CTNND2: variants seen among roughly 807,000 people sequenced by gnomAD.
CTNND2 encodes catenin delta 2.
In CTNND2, 22 loss-of-function variants were observed where a neutral mutation model predicts 144.4. The ratio of observed to expected loss-of-function variants is 0.15; its 90% CI spans 0.11 to 0.22. The LOEUF (loss-of-function observed/expected upper bound fraction) is 0.22, where lower values mean the gene tolerates loss of function less well. Among genes scored for constraint, CTNND2 ranks in the 10% least tolerant of loss-of-function variants. CTNND2 has a pLI of 1.00. For missense variants in CTNND2, 1,353 were observed against 1,618.8 expected, an observed-to-expected ratio of 0.84 and a Z score of 2.82; for synonymous variants, 751 against 695.6, an observed-to-expected ratio of 1.08 and a Z score of -1.25.
chr5:11,433,055 T>C (rs1279985585), intron 3 of CTNND2, among the ~76,000 whole-genome samples: 1 of 152,178 alleles, frequency 6.6e-6, no homozygotes, highest in Non-Finnish European at 1.5e-5. Context: ...CCATCCTGGC[T>C]AACATGGTGA....
chr5:11,143,708 T>C (rs976976552), intron 12 of CTNND2, among the ~76,000 whole-genome samples: 4 of 152,230 alleles, frequency 2.6e-5, no homozygotes, highest in African/African-American at 9.6e-5. Flanking sequence ...GAGGGAGGTA[T>C]AATTTTACTC....
intron 1 of CTNND2, among the ~76,000 whole-genome samples, chr5:11,817,989 T>TTG (rs1290118758): frequency 1.8e-5 from 1 of 56,244 alleles, no homozygotes. Context: ...GTGTTTTTTT[T>TTG]TTTTTTTTTT....
intron 2 of CTNND2, among the ~76,000 whole-genome samples, chr5:11,621,393 T>C (rs899020821): frequency 6.6e-6 from 1 of 152,166 alleles, no homozygotes; most frequent in Non-Finnish European, 1.5e-5. Context: ...GTAGCATCTT[T>C]GCTGATTTCA....
At chr5:11,578,793 T>C (rs1451213655) in intron 2 of CTNND2, among the ~76,000 whole-genome samples, 2 of 152,330 alleles carry the variant, frequency 1.3e-5, no homozygotes, top group African/African-American at 4.8e-5. Flanking sequence ...GTTAGTGGGA[T>C]AGCAGAGGCA....
intron 13 of CTNND2, among the ~76,000 whole-genome samples, chr5:11,115,345 G>A (rs61753331): frequency 0.08 from 12,210 of 152,218 alleles, 966 homozygotes; most frequent in East Asian, 0.45. Flanking sequence ...GCATGAGGCT[G>A]TTGACTCTTA....
intron 13 of CTNND2, 53 bp downstream of exon 13, chr5:11,117,397 C>T: frequency 7.3e-7 from 1 of 1,376,424 alleles, no homozygotes; most frequent in Non-Finnish European, 1.0e-6. Flanking sequence ...ATTGTTGAGT[C>T]CCGTGGGAGT....
intron 2 of CTNND2, among the ~76,000 whole-genome samples, chr5:11,604,262 C>T (rs1779943203): frequency 6.6e-6 from 1 of 152,186 alleles, no homozygotes; most frequent in African/African-American, 2.4e-5. Context: ...ACCTGTGACC[C>T]ATGTCTTCAC....
intron 1 of CTNND2, among the ~76,000 whole-genome samples, chr5:11,797,254 G>A (rs1168618714): frequency 6.6e-6 from 1 of 152,182 alleles, no homozygotes; most frequent in Non-Finnish European, 1.5e-5. Flanking sequence ...GAGTAACTCT[G>A]ATATGCACAC....
chr5:11,794,492 C>T (rs187232178), intron 1 of CTNND2, among the ~76,000 whole-genome samples: 6 of 152,304 alleles, frequency 3.9e-5, no homozygotes, highest in Non-Finnish European at 5.9e-5. Flanking sequence ...TGGAATCTTG[C>T]TGTGTCAATT....
At chr5:11,237,116 T>C (rs1741735494) in intron 9 of CTNND2, among the ~76,000 whole-genome samples, 1 of 151,290 alleles carries the variant, frequency 6.6e-6, no homozygotes, top group Non-Finnish European at 1.5e-5. Flanking sequence ...GCCTCCCGGG[T>C]TCACGCCATT....
At chr5:11,692,835 C>T (rs1327956637) in intron 2 of CTNND2, among the ~76,000 whole-genome samples, 1 of 152,326 alleles carries the variant, frequency 6.6e-6, no homozygotes, top group East Asian at 1.9e-4. Context: ...CTCCTGATCT[C>T]AAGTGATCTG....
At chr5:11,731,754 CAT>C (rs1221687336) in intron 2 of CTNND2, among the ~76,000 whole-genome samples, 1 of 152,110 alleles carries the variant, frequency 6.6e-6, no homozygotes, top group African/African-American at 2.4e-5. Flanking sequence ...CATTTACTGT[CAT>C]ATATATTTTT....
In CTNND2 at chr5:11,440,296, A is replaced by C. The variant is rs187092089; in HGVS notation, c.288-28227T>G. Among the ~76,000 whole-genome samples the C allele has an allele frequency of 9.8e-4, 149 of 152,298 alleles. 2 individuals are homozygous for C. Among genetic ancestry groups the C allele is most frequent in the African/African-American group, 3.3e-3 (138 of 41,558 alleles). On this transcript the variant is annotated intron_variant, in intron 3 of 21. Transcript: ENST00000304623. ...TTCTCTGTGATCCATGTTTCACCTT[A>C]TCTTAAACTCAAAAATAAATTATGA...
chr5:11,719,686 T>C (rs1166151757), intron 2 of CTNND2, among the ~76,000 whole-genome samples: 1 of 152,190 alleles, frequency 6.6e-6, no homozygotes, highest in African/African-American at 2.4e-5. Flanking sequence ...ACAACATCTA[T>C]GATTTGGAGA....
At chr5:11,752,164 C>T (rs539635673) in intron 1 of CTNND2, among the ~76,000 whole-genome samples, 2 of 151,842 alleles carry the variant, frequency 1.3e-5, no homozygotes, top group East Asian at 3.9e-4. Context: ...CGTCTGTTTA[C>T]TCTATTTTAT....
intron 9 of CTNND2, among the ~76,000 whole-genome samples, chr5:11,241,907 C>T (rs1411626586): frequency 6.6e-6 from 1 of 151,852 alleles, no homozygotes; most frequent in Non-Finnish European, 1.5e-5. Context: ...ACAGCACCTG[C>T]CAAGGTGTGG....
intron 1 of CTNND2, among the ~76,000 whole-genome samples, chr5:11,875,372 G>A (rs1003666104): frequency 6.6e-6 from 1 of 152,104 alleles, no homozygotes; most frequent in Non-Finnish European, 1.5e-5. Flanking sequence ...AATTCAATTT[G>A]AAATATTCAT....
rs145137198 is a variant in CTNND2 at position 11,736,177 on chromosome 5, CTAAT to C, written c.38-3909_38-3906del. 8.6e-3 allele frequency among the ~76,000 whole-genome samples: 1,304 copies of C among 152,256 alleles called. 26 individuals carry two copies. Among genetic ancestry groups the C allele is most frequent in the African/African-American group, 0.03 (1,248 of 41,550 alleles). On this transcript the variant is annotated intron_variant, in intron 1 of 21. Transcript: ENST00000304623. ...CTGCCTCCTAATGCTACTCTACTAA[CTAAT>C]TTTTATAAAATGTAACTCTTTAAAA... is the stretch of plus-strand genomic sequence containing the variant.
At chr5:11,433,936 A>G (rs2149879290) in intron 3 of CTNND2, among the ~76,000 whole-genome samples, 1 of 152,330 alleles carries the variant, frequency 6.6e-6, no homozygotes. Context: ...AACTAAACAT[A>G]TACATACCCA....
Sources: gnomAD v4.1 joint callset for allele counts (sites outside exome capture counted in the v4.1 genomes callset) on GRCh38, gnomAD v4.1.1 for gene constraint, MANE v1.5 for transcripts, NCBI Gene and HGNC (gene_info 2026-07-23, HGNC 2026-07-21) for gene names.